The following OPCML variants were observed in gnomAD, a reference collection of about 807,000 sequenced individuals.
OPCML encodes the protein opioid-binding protein/cell adhesion molecule.
In OPCML, 13 loss-of-function variants were observed where a neutral mutation model predicts 37.8. The observed-to-expected ratio is 0.34, with a 90% CI of 0.22 to 0.55. The LOEUF is 0.55. Ranked by LOEUF, OPCML falls within the 20% of genes least tolerant of loss-of-function variation. OPCML has a pLI of 0.91. For synonymous variants in OPCML, 176 were observed against 168.8 expected (o/e 1.04, Z -0.33); for missense variants, 341 against 435.6 (o/e 0.78, Z 1.93).
intron 1 of OPCML, among the ~76,000 whole-genome samples, chr11:133,483,674 TGATA>T (rs141632251): frequency 0.21 from 30,788 of 145,904 alleles, 3,232 homozygotes; most frequent in African/African-American, 0.25. Context: ...GATAAATAGA[TGATA>T]GATAGATAGA....
intron 2 of OPCML, among the ~76,000 whole-genome samples, chr11:132,682,160 C>T (rs1436968816): frequency 1.3e-5 from 2 of 152,128 alleles, no homozygotes; most frequent in African/African-American, 4.8e-5. Flanking sequence ...GCTCCTGCAC[C>T]CTCTCACCTG....
chr11:132,579,908 G>A (rs1476687375), intron 3 of OPCML, among the ~76,000 whole-genome samples: 2 of 152,260 alleles, frequency 1.3e-5, no homozygotes, highest in Middle Eastern at 3.4e-3. Context: ...GTGCACTGGC[G>A]ACTTGTGAAA....
In OPCML at chr11:133,373,452, C is replaced by CA. The variant is rs1565599709; in HGVS notation, c.61+158811dup. 8.7e-4 allele frequency among the ~76,000 whole-genome samples: 72 copies of CA among 82,420 alleles called. 1 individual carries two copies. Among genetic ancestry groups the CA allele is most frequent in the African/African-American group, 2.9e-3 (70 of 24,414 alleles). The allele number at this position is 82,420 out of a possible 152,430, so 54.1% of individuals were successfully genotyped here. On this transcript the variant is annotated intron_variant, in intron 1 of 7. Coordinates refer to ENST00000524381, the MANE Select transcript of OPCML (RefSeq NM_001012393.5). ...ATATATATATATATATATATATACA[C>CA]ACACACACACAAAAATACAAAATTT...
intron 1 of OPCML, among the ~76,000 whole-genome samples, chr11:133,283,473 C>T (rs954281056): frequency 6.6e-6 from 1 of 152,100 alleles, no homozygotes; most frequent in Admixed American, 6.5e-5. Context: ...AGGCCCTTAC[C>T]AGAAGCTGAG....
intron 1 of OPCML, among the ~76,000 whole-genome samples, chr11:133,087,686 A>G (rs1194247860): frequency 2.0e-5 from 3 of 152,222 alleles, no homozygotes; most frequent in South Asian, 2.1e-4. Context: ...AGGAGCATCT[A>G]TTAATATATC....
At chr11:132,966,994 C>T (rs939100761) in intron 1 of OPCML, among the ~76,000 whole-genome samples, 2 of 151,794 alleles carry the variant, frequency 1.3e-5, no homozygotes, top group African/African-American at 2.4e-5. Flanking sequence ...ACAATCTCTG[C>T]CTTTTGATTG....
intron 1 of OPCML, among the ~76,000 whole-genome samples, chr11:133,152,852 A>G (rs1408744866): frequency 6.7e-6 from 1 of 149,460 alleles, no homozygotes; most frequent in Non-Finnish European, 1.5e-5. Context: ...GAAGCATAAT[A>G]AAAGGGTTGA....
At chr11:133,378,346 A>G (rs1460887975) in intron 1 of OPCML, among the ~76,000 whole-genome samples, 5 of 152,150 alleles carry the variant, frequency 3.3e-5, no homozygotes, top group Non-Finnish European at 7.3e-5. Flanking sequence ...CTCAAACATT[A>G]CGTTTGTATT....
chr11:132,466,686 T>A (rs886623975), intron 4 of OPCML, among the ~76,000 whole-genome samples: 4 of 152,110 alleles, frequency 2.6e-5, no homozygotes, highest in African/African-American at 9.7e-5. Context: ...AGGATGTGCC[T>A]CCAGCCGAGG....
chr11:132,560,086 C>A (rs1448883059), intron 3 of OPCML, among the ~76,000 whole-genome samples: 1 of 152,114 alleles, frequency 6.6e-6, no homozygotes, highest in Non-Finnish European at 1.5e-5. Context: ...TTTGTATGTG[C>A]CTATTGTGGG....
chr11:133,000,544 G>A (rs562373672), intron 1 of OPCML, among the ~76,000 whole-genome samples: 23 of 152,306 alleles, frequency 1.5e-4, no homozygotes, highest in African/African-American at 5.5e-4. Context: ...CTCTACTGGA[G>A]GAAATCCTTA....
At chr11:133,042,754 C>G (rs112150109) in intron 1 of OPCML, among the ~76,000 whole-genome samples, 79 of 152,192 alleles carry the variant, frequency 5.2e-4, no homozygotes, top group Non-Finnish European at 7.1e-4. Flanking sequence ...GTGCCTTTAA[C>G]GGCCAAAGTT....
At chr11:133,290,703 G>T (rs538582074) in intron 1 of OPCML, among the ~76,000 whole-genome samples, 1 of 152,346 alleles carries the variant, frequency 6.6e-6, no homozygotes, top group Non-Finnish European at 1.5e-5. Flanking sequence ...AAGCCCAGGA[G>T]CCCATTCCAT....
chr11:133,319,556 C>T (rs1592197545), intron 1 of OPCML, among the ~76,000 whole-genome samples: 1 of 152,172 alleles, frequency 6.6e-6, no homozygotes, highest in East Asian at 1.9e-4. Context: ...GCATCAATTC[C>T]AACACTTCTG....
rs1033811710 is a variant in OPCML, at chr11:133,420,317, T to C, written c.61+111947A>G. 3 of 985,342 alleles carry C rather than the reference T, an allele frequency of 3.0e-6. No homozygotes were observed. The African/African-American group carries it at 5.2e-5, about 17-fold the overall frequency. The allele number at this position is 985,342 out of a possible 1,614,324, so 61.0% of individuals were successfully genotyped here. ...ACGAAGTGCAAATTAATCCTAGCCA[T>C]GGAGAAGATCCTTTTTAGATATCCT... On this transcript the variant is annotated intron_variant, in intron 1 of 7. Coordinates refer to ENST00000524381, the MANE Select transcript of OPCML (RefSeq NM_001012393.5).
intron 1 of OPCML, among the ~76,000 whole-genome samples, chr11:133,410,582 T>C (rs1008131372): frequency 2.1e-5 from 3 of 141,044 alleles, no homozygotes; most frequent in African/African-American, 8.0e-5. Context: ...AGTTGTGGGG[T>C]TTTTGTTGCT....
In OPCML at chr11:133,093,144, G is replaced by C. The variant is rs542973094; in HGVS notation, c.62-150134C>G. On this transcript the variant is annotated intron_variant, in intron 1 of 7. Transcript: ENST00000524381. Reference sequence around the variant, plus strand: ...TTACATGAATAAGTTCTTTAGTGGTGATTTGTGAGATTTTGGTGTACCCAT... The same window carrying C: ...TTACATGAATAAGTTCTTTAGTGGTCATTTGTGAGATTTTGGTGTACCCAT... 2.2e-4 allele frequency among the ~76,000 whole-genome samples: 34 copies of C among 152,072 alleles called. 1 individual carries two copies. Among genetic ancestry groups the C allele is most frequent in the Non-Finnish European group, 4.3e-4 (29 of 67,990 alleles).
chr11:132,740,597 G>A (rs754879197), intron 2 of OPCML, among the ~76,000 whole-genome samples: 6 of 151,964 alleles, frequency 3.9e-5, no homozygotes, highest in Non-Finnish European at 5.9e-5. Context: ...CTATCACCTC[G>A]CTACTCTATC....
intron 1 of OPCML, among the ~76,000 whole-genome samples, chr11:133,083,176 G>A (rs1482011330): frequency 6.6e-6 from 1 of 152,028 alleles, no homozygotes; most frequent in African/African-American, 2.4e-5. Flanking sequence ...CCCGCCGAGC[G>A]GGCCGCACAG....
Sources: gnomAD v4.1 joint callset for allele counts (sites outside exome capture counted in the v4.1 genomes callset) on GRCh38, gnomAD v4.1.1 for gene constraint, MANE v1.5 for transcripts, NCBI Gene and HGNC (gene_info 2026-07-23, HGNC 2026-07-21) for gene names.